Variants in PRDM9 observed in about 807,000 individuals in gnomAD.
PRDM9 encodes the protein PR/SET domain 9.
Under a neutral mutation model 55.6 loss-of-function variants are expected in PRDM9, and 47 were observed. That is an observed-to-expected ratio of 0.85 (90% CI 0.67 to 1.08). PRDM9 has a LOEUF of 1.08. Among genes scored for constraint, PRDM9 ranks in the 50% least tolerant of loss-of-function variants. The probability of loss-of-function intolerance (pLI) is 0.00; values close to 1 mark genes in which losing one functional copy is unlikely to be tolerated. For synonymous variants in PRDM9, 312 were observed against 375.7 expected (o/e 0.83, Z 1.96); for missense variants, 867 against 1,040.3 (o/e 0.83, Z 2.29).
intron 4 of PRDM9, among the ~76,000 whole-genome samples, chr5:23,512,212 G>A (rs1263205708): frequency 6.6e-6 from 1 of 152,052 alleles, no homozygotes; most frequent in Non-Finnish European, 1.5e-5. Flanking sequence ...TCTCGATTCT[G>A]GAGCGGGTTT....
chr5:23,519,634 T>C (rs1037351694), intron 5 of PRDM9, among the ~76,000 whole-genome samples: 2 of 152,088 alleles, frequency 1.3e-5, no homozygotes, highest in Non-Finnish European at 2.9e-5. Context: ...GTGCTGGGAT[T>C]ACAGGTGTGA....
In PRDM9 at chr5:23,527,796, C is replaced by T. The variant is rs1739508862; in HGVS notation, c.*23C>T. ...TAAGTCATTAGTAATAAAACCTCAT[C>T]TCAATAGCCACAAAAAGACAAATGT... On this transcript the variant is annotated 3_prime_UTR_variant, in exon 11 of 11. Transcript: ENST00000296682. 3 of 1,613,796 alleles carry T rather than the reference C, an allele frequency of 1.9e-6. No homozygotes were observed. In the African/African-American group the frequency reaches 4.0e-5, roughly 22 times the overall value.
rs746101394 is a variant in PRDM9 at position 23,523,251 on chromosome 5, A to G, written c.883-40A>G. On this transcript the variant is annotated intron_variant, in intron 8 of 10. Transcript: ENST00000296682. ...GAGTAAAATAATTCTTCTGATTTTT[A>G]CCCTCTAAAAAGCCTTTGCCTTGTT... is the stretch of plus-strand genomic sequence containing the variant. The G allele has an allele frequency of 4.4e-6, 7 of 1,587,400 alleles. No individual in the cohort carries two copies. The South Asian group carries it at 7.7e-5, about 18-fold the overall frequency.
intron 5 of PRDM9, 82 bp downstream of exon 5, chr5:23,518,012 A>G (rs929041584): frequency 1.2e-5 from 15 of 1,298,070 alleles, no homozygotes; most frequent in African/African-American, 8.8e-5. Context: ...TGTACAGACT[A>G]TCATAGGAAC....
Position 23,514,994 on chromosome 5 carries a change from G to A in PRDM9, c.302-2887G>A, listed in dbSNP as rs1432743279. ...TTTTTTTTTTTTGAGACAGAGTTTC[G>A]CTCCTGTTGCCCAGGCTGGAGTGCA... On this transcript the variant is annotated intron_variant, in intron 4 of 10. Coordinates refer to ENST00000296682, the MANE Select transcript of PRDM9 (RefSeq NM_020227.4). 5.7e-5 allele frequency among the ~76,000 whole-genome samples: 8 copies of A among 139,274 alleles called. No individual in the cohort carries two copies. In the South Asian group the frequency reaches 1.4e-3, roughly 24 times the overall value. The allele number at this position is 139,274 out of a possible 152,430, so 91.4% of individuals were successfully genotyped here.
chr5:23,513,902 A>T (rs1739149975), intron 4 of PRDM9, among the ~76,000 whole-genome samples: 1 of 151,802 alleles, frequency 6.6e-6, no homozygotes. Flanking sequence ...AAACAAAAAA[A>T]CCCACACACA....
rs1739448741 is a variant in PRDM9 at position 23,526,745 on chromosome 5, G to T, written c.1657G>T (p.Val553Phe). ...QRTHTGEKLY[V>F]CRECGRGFSW... is the part of the protein sequence containing the mutation. ...GACACATACAGGGGAGAAGCTCTACGTCTGCAGGGAGTGTGGGCGGGGCTT... is the reference window on the plus strand; with the variant it reads ...GACACATACAGGGGAGAAGCTCTACTTCTGCAGGGAGTGTGGGCGGGGCTT... The change falls in exon 11 of 11, where the codon GTC becomes TTC. Residue 553 changes from valine to phenylalanine, a missense_variant. Coordinates refer to ENST00000296682, the MANE Select transcript of PRDM9 (RefSeq NM_020227.4). 1.3e-6 allele frequency: 2 copies of T among 1,598,818 alleles called. No individual in the cohort carries two copies. The highest frequency in any genetic ancestry group is 1.7e-6 in the Non-Finnish European group (2 of 1,173,922).
At chr5:23,510,427 T>G in intron 4 of PRDM9, among the ~76,000 whole-genome samples, 1 of 151,888 alleles carries the variant, frequency 6.6e-6, no homozygotes, top group East Asian at 1.9e-4. Flanking sequence ...GGTGCAATCT[T>G]GGCTCACTGC....
Position 23,522,886 on chromosome 5 carries a change from G to A in PRDM9, c.882+1G>A, listed in dbSNP as rs956000851. On this transcript the variant is annotated splice_donor_variant, in intron 8 of 10. Coordinates refer to ENST00000296682, the MANE Select transcript of PRDM9 (RefSeq NM_020227.4). LOFTEE classifies it high-confidence loss of function. Reference sequence around the variant, plus strand: ...AGCCAACAATGGATACTCCTGGCTGGTAAGAAGAGCCTGCCATTTCCCCTG... The same window carrying A: ...AGCCAACAATGGATACTCCTGGCTGATAAGAAGAGCCTGCCATTTCCCCTG... 3 of 1,614,128 alleles carry A rather than the reference G, an allele frequency of 1.9e-6. No individual in the cohort carries two copies. The highest frequency in any genetic ancestry group is 2.5e-6 in the Non-Finnish European group (3 of 1,180,046).
intron 2 of PRDM9, 126 bp from the exon 3 acceptor site, chr5:23,509,344 G>A: frequency 6.6e-7 from 1 of 1,525,422 alleles, no homozygotes; most frequent in South Asian, 1.1e-5. Flanking sequence ...GGAGAAGGAG[G>A]GAAGATCTTT....
At chr5:23,517,827 C>G in intron 4 of PRDM9, 54 bp from the exon 5 acceptor site, 1 of 1,426,932 alleles carries the variant, frequency 7.0e-7, no homozygotes, top group South Asian at 1.1e-5. Flanking sequence ...GAGAGAATCT[C>G]TAGTGTTTGG....
chr5:23,520,551 G>C (rs150947887), intron 5 of PRDM9, among the ~76,000 whole-genome samples: 2 of 151,906 alleles, frequency 1.3e-5, no homozygotes, highest in Admixed American at 6.6e-5. Flanking sequence ...TCATTTTCTT[G>C]GTTGTCTAGA....
chr5:23,524,391 C>T lies in PRDM9; in HGVS notation c.1008C>T (p.His336=), dbSNP rs1739390759. ...AGAACCTGGTGGCCTTCCAGTACCA[C>T]AGGCAGATCTTCTATAGAACCTGCC... The part of the protein sequence containing the change: ...EEQNLVAFQY[H]RQIFYRTCRV... Residue 336 remains histidine, a synonymous_variant, in exon 10 of 11, where the codon CAC becomes CAT. Transcript: ENST00000296682. 2 of 1,613,868 alleles carry T rather than the reference C, an allele frequency of 1.2e-6. No homozygotes were observed. Among genetic ancestry groups the T allele is most frequent in the Non-Finnish European group, 8.5e-7 (1 of 1,179,786 alleles).
In PRDM9 at chr5:23,526,743, A is replaced by G; in HGVS notation, c.1655A>G (p.Tyr552Cys). The G allele has an allele frequency of 6.2e-7, 1 of 1,608,048 alleles. No individual in the cohort carries two copies. The highest frequency in any genetic ancestry group is 1.1e-5 in the South Asian group (1 of 90,228). The change falls in exon 11 of 11, where the codon TAC (tyrosine) becomes TGC (cysteine). Residue 552 changes from tyrosine to cysteine, a missense_variant. Physicochemically the swap from Tyr to Cys is radical, Grantham distance 194. Around this residue, in one of 5 missense-constraint regions of PRDM9, gnomAD observed 662 missense variants for 711.9 expected, o/e 0.93. Coordinates refer to ENST00000296682, the MANE Select transcript of PRDM9 (RefSeq NM_020227.4). ...AGGACACATACAGGGGAGAAGCTCT[A>G]CGTCTGCAGGGAGTGTGGGCGGGGC... ...HQRTHTGEKL[Y>C]VCRECGRGFS...
At position 23,509,556 on chromosome 5, in the gene PRDM9, G is replaced by A; in HGVS notation, c.156G>A (p.Arg52=). 1 of 1,614,162 alleles carries A rather than the reference G, an allele frequency of 6.2e-7. No individual in the cohort carries two copies. Among genetic ancestry groups the A allele is most frequent in the Non-Finnish European group, 8.5e-7 (1 of 1,180,032 alleles). ...EMGDWEKTRY[R]NVKRNYNALI... ...GAGACTGGGAGAAAACTCGCTATAG[G>A]AATGTGAAAAGGAACTATAATGCAC... The change falls in exon 3 of 11, where the codon AGG becomes AGA. Residue 52 remains arginine, a synonymous_variant. Coordinates refer to ENST00000296682, the MANE Select transcript of PRDM9 (RefSeq NM_020227.4).
At position 23,519,340 on chromosome 5, in the gene PRDM9, G is replaced by A. The variant is rs569430159; in HGVS notation, c.351+1410G>A. Among the ~76,000 whole-genome samples, 7 of 152,124 alleles carry A rather than the reference G, an allele frequency of 4.6e-5. No homozygotes were observed. In the East Asian group the frequency reaches 9.8e-4, roughly 21 times the overall value. On this transcript the variant is annotated intron_variant, in intron 5 of 10. Transcript: ENST00000296682. ...CTCCCAAAGTGCTGGGATTACATATGTGAGCCATTGCACCCAGTCTGTGAG... is the reference window on the plus strand; with the variant it reads ...CTCCCAAAGTGCTGGGATTACATATATGAGCCATTGCACCCAGTCTGTGAG...
Position 23,521,037 on chromosome 5 carries a change from G to A in PRDM9, c.366G>A (p.Ala122=), listed in dbSNP as rs766083673. 68 of 1,614,040 alleles carry A rather than the reference G, an allele frequency of 4.2e-5. No individual in the cohort carries two copies. The highest frequency in any genetic ancestry group is 1.6e-4 in the East Asian group (7 of 44,878). The change falls in exon 6 of 11, where the codon GCG becomes GCA. Residue 122 remains alanine (A), a synonymous_variant. Coordinates refer to ENST00000296682, the MANE Select transcript of PRDM9 (RefSeq NM_020227.4). ...QRKHQKGMPK[A]SFSNESSLKE... is the part of the protein sequence containing the mutation. ...TCACATTAAAGGGAATGCCCAAGGCGTCATTCAGTAATGAATCTAGTTTGA... is the reference window on the plus strand; with the variant it reads ...TCACATTAAAGGGAATGCCCAAGGCATCATTCAGTAATGAATCTAGTTTGA...
rs528515982 is a variant in PRDM9, at chr5:23,527,063, A to T, written c.1975A>T (p.Thr659Ser). 2.8e-6 allele frequency: 2 copies of T among 704,860 alleles called. No homozygotes were observed. Among genetic ancestry groups the T allele is most frequent in the Non-Finnish European group, 2.3e-6 (1 of 432,084 alleles). The allele number at this position is 704,860 out of a possible 1,614,324, so 43.7% of individuals were successfully genotyped here. The change falls in exon 11 of 11, where the codon ACA (threonine) becomes TCA (serine). Residue 659 changes from threonine (T) to serine (S), a missense_variant. Around this residue, in one of 5 missense-constraint regions of PRDM9, gnomAD observed 92 missense variants for 185.7 expected, o/e 0.50. Coordinates refer to ENST00000296682, the MANE Select transcript of PRDM9 (RefSeq NM_020227.4). ...SVLLTHQRRH[T>S]GEKPYVCREC... is the part of the protein sequence containing the mutation. ...CCTCCTCACTCACCAGAGGAGACAC[A>T]CAGGGGAGAAGCCCTATGTCTGCAG...
chr5:23,514,332 C>T (rs1223986136), intron 4 of PRDM9, among the ~76,000 whole-genome samples: 2 of 152,174 alleles, frequency 1.3e-5, no homozygotes, highest in East Asian at 3.9e-4. Flanking sequence ...GGTGAGGGGT[C>T]TCTTCCTGAC....
Sources: allele counts gnomAD v4.1 joint callset (sites outside exome capture counted in the v4.1 genomes callset), GRCh38; gene constraint gnomAD v4.1.1; regional missense constraint gnomAD v4.1.1; transcripts MANE v1.5; gene names NCBI Gene and HGNC (gene_info 2026-07-23, HGNC 2026-07-21).